The following ATP8B4 variants were observed in gnomAD, a reference collection of about 807,000 sequenced individuals.
ATP8B4 encodes ATPase phospholipid transporting 8B4 (putative).
ATP8B4 carries 133 observed loss-of-function variants against 145.6 expected under a neutral mutation model. The ratio of observed to expected loss-of-function variants is 0.91; its 90% confidence interval spans 0.79 to 1.05. The LOEUF (loss-of-function observed/expected upper bound fraction) is 1.05. Ranked by LOEUF, ATP8B4 falls within the 50% of genes least tolerant of loss-of-function variation. The pLI, the probability that ATP8B4 is intolerant of heterozygous loss-of-function variation, is 0.00. For synonymous variants in ATP8B4, 507 were observed against 492.9 expected (o/e 1.03, Z -0.38); for missense variants, 1,458 against 1,425.2 (o/e 1.02, Z -0.37).
At chr15:50,168,118 A>T (rs1210445984) in intron 1 of ATP8B4, among the ~76,000 whole-genome samples, 1 of 152,228 alleles carries the variant, frequency 6.6e-6, no homozygotes, top group African/African-American at 2.4e-5. Context: ...AGATATTACA[A>T]GAGAAGGAAA....
Position 49,918,857 on chromosome 15 carries a change from G to C in ATP8B4, c.2017C>G (p.Leu673Val). The C allele has an allele frequency of 6.2e-6, 10 of 1,610,380 alleles. No individual in the cohort carries two copies. The highest frequency in any genetic ancestry group is 1.3e-5 in the African/African-American group (1 of 74,928). ...AAGTTACCTTGTTTGTCTCCTGTTAGGACCCAGATCTTAATATTGGCTAGT... is the reference window on the plus strand; with the variant it reads ...AAGTTACCTTGTTTGTCTCCTGTTACGACCCAGATCTTAATATTGGCTAGT... ...LSLANIKIWV[L>V]TGDKQETAIN... Residue 673 changes from leucine (L) to valine (V), a missense_variant, in exon 19 of 28, where the codon CTA becomes GTA. Transcript: ENST00000284509.
chr15:50,116,811 G>C (rs2057171388), intron 1 of ATP8B4, among the ~76,000 whole-genome samples: 1 of 151,950 alleles, frequency 6.6e-6, no homozygotes. Context: ...TAAAAGGAGA[G>C]AGAAAAGCAA....
intron 1 of ATP8B4, among the ~76,000 whole-genome samples, chr15:50,154,189 T>C (rs550075206): frequency 6.6e-6 from 1 of 152,202 alleles, no homozygotes; most frequent in Non-Finnish European, 1.5e-5. Flanking sequence ...GAATAACTAA[T>C]CATTTTACTT....
chr15:50,035,098 A>T (rs1346570611), intron 6 of ATP8B4, among the ~76,000 whole-genome samples: 2 of 152,168 alleles, frequency 1.3e-5, no homozygotes, highest in South Asian at 2.1e-4. Flanking sequence ...ACATATTACA[A>T]CAGTTTGTAA....
rs534143326 is a variant in ATP8B4, at chr15:49,971,822, A to G, written c.1243+760T>C. ...TTCTACTGTAAAGACACATGCACACATATGTTTACTGCAGCACTATTCACA... is the reference window on the plus strand; with the variant it reads ...TTCTACTGTAAAGACACATGCACACGTATGTTTACTGCAGCACTATTCACA... On this transcript the variant is annotated intron_variant, in intron 13 of 27. Coordinates refer to ENST00000284509, the MANE Select transcript of ATP8B4 (RefSeq NM_024837.4). Among the ~76,000 whole-genome samples, 20 of 152,280 alleles carry G rather than the reference A, an allele frequency of 1.3e-4. No homozygotes were observed. The East Asian group carries it at 3.1e-3, about 23-fold the overall frequency.
At chr15:49,982,749 C>T (rs1014505122) in intron 10 of ATP8B4, among the ~76,000 whole-genome samples, 5 of 152,138 alleles carry the variant, frequency 3.3e-5, no homozygotes, top group African/African-American at 1.2e-4. Context: ...TTTATATGCA[C>T]ATCCTGAAAG....
At chr15:49,954,887 T>C (rs2043420754) in intron 14 of ATP8B4, among the ~76,000 whole-genome samples, 3 of 152,194 alleles carry the variant, frequency 2.0e-5, no homozygotes, top group South Asian at 4.1e-4. Context: ...GCCTATCACA[T>C]TGCTATTCAT....
intron 1 of ATP8B4, among the ~76,000 whole-genome samples, chr15:50,167,765 G>C (rs1289136497): frequency 6.6e-6 from 1 of 152,140 alleles, no homozygotes; most frequent in Non-Finnish European, 1.5e-5. Flanking sequence ...TAATCTCCCT[G>C]AGTTTCAATT....
intron 1 of ATP8B4, among the ~76,000 whole-genome samples, chr15:50,162,504 CTTT>C (rs71424048): frequency 0.23 from 34,618 of 151,576 alleles, 4,491 homozygotes; most frequent in Non-Finnish European, 0.3. Context: ...AAGTTTTATT[CTTT>C]TTTGTTTTTT....
chr15:49,921,666 A>G (rs2040271628), intron 17 of ATP8B4, among the ~76,000 whole-genome samples: 2 of 152,170 alleles, frequency 1.3e-5, no homozygotes, highest in Non-Finnish European at 2.9e-5. Context: ...GTACACATAG[A>G]GGTTTATAAT....
intron 2 of ATP8B4, among the ~76,000 whole-genome samples, chr15:50,076,274 A>T (rs1044320989): frequency 6.6e-6 from 1 of 152,126 alleles, no homozygotes; most frequent in Non-Finnish European, 1.5e-5. Context: ...CAGGCGGATC[A>T]CAAGGTCAAG....
intron 25 of ATP8B4, among the ~76,000 whole-genome samples, chr15:49,869,513 T>C (rs1598801294): frequency 2.0e-5 from 3 of 152,158 alleles, no homozygotes; most frequent in African/African-American, 7.2e-5. Flanking sequence ...TCTTTTATTA[T>C]GAAAAAAGAT....
intron 1 of ATP8B4, among the ~76,000 whole-genome samples, chr15:50,168,090 G>T (rs2140859107): frequency 6.6e-6 from 1 of 152,134 alleles, no homozygotes; most frequent in South Asian, 2.1e-4. Context: ...TTACATTTAA[G>T]AATTGAATAA....
intron 2 of ATP8B4, among the ~76,000 whole-genome samples, chr15:50,095,279 AAG>A (rs751512514): frequency 6.6e-6 from 1 of 152,142 alleles, no homozygotes; most frequent in African/African-American, 2.4e-5. Flanking sequence ...CAGAGACTGA[AAG>A]AGAGAGAGAA....
rs546274261 is a variant in ATP8B4 at position 49,958,004 on chromosome 15, A to C, written c.1287+3973T>G. Among the ~76,000 whole-genome samples the C allele has an allele frequency of 5.9e-5, 9 of 151,930 alleles. No homozygotes were observed. The East Asian group carries it at 1.5e-3, about 26-fold the overall frequency. Reference sequence around the variant, plus strand: ...TGAAACATTAATAACAATTAACCTTATTAAGCCACAAAGAAAATCTCAATA... The same window carrying C: ...TGAAACATTAATAACAATTAACCTTCTTAAGCCACAAAGAAAATCTCAATA... On this transcript the variant is annotated intron_variant, in intron 14 of 27. Transcript: ENST00000284509.
intron 2 of ATP8B4, among the ~76,000 whole-genome samples, chr15:50,074,484 T>C (rs1378087733): frequency 1.3e-5 from 2 of 152,334 alleles, no homozygotes; most frequent in East Asian, 3.9e-4. Flanking sequence ...TAACTTCAAG[T>C]GGTTCCTAAG....
At chr15:50,039,970 G>A (rs1419927774) in intron 5 of ATP8B4, among the ~76,000 whole-genome samples, 6 of 152,198 alleles carry the variant, frequency 3.9e-5, no homozygotes, top group Non-Finnish European at 8.8e-5. Flanking sequence ...AGTAAATTAA[G>A]TCACACGTCA....
chr15:50,158,335 C>A (rs1299752604), intron 1 of ATP8B4, among the ~76,000 whole-genome samples: 6 of 150,254 alleles, frequency 4.0e-5, no homozygotes, highest in Non-Finnish European at 8.9e-5. Context: ...GCAGCCACCC[C>A]GTCTGGGAAG....
At chr15:49,877,662 TCTTAAACCTGTTA>T (rs138914398) in intron 24 of ATP8B4, among the ~76,000 whole-genome samples, 3,815 of 152,268 alleles carry the variant, frequency 0.025, 154 homozygotes, top group African/African-American at 0.087. Flanking sequence ...TGGTGTGTTA[TCTTAAACCTGTTA>T]CTTAATCCGC....
Sources: gnomAD v4.1 joint callset for allele counts (sites outside exome capture counted in the v4.1 genomes callset) on GRCh38, gnomAD v4.1.1 for gene constraint, MANE v1.5 for transcripts, NCBI Gene and HGNC (gene_info 2026-07-23, HGNC 2026-07-21) for gene names.